TRPM3: variants seen among roughly 807,000 people sequenced by gnomAD.
TRPM3 encodes transient receptor potential cation channel subfamily M member 3.
TRPM3 carries 77 observed loss-of-function variants against 181.2 expected under a neutral mutation model. That is an observed-to-expected ratio of 0.42 (90% CI 0.35 to 0.51). The LOEUF (loss-of-function observed/expected upper bound fraction) is 0.51. TRPM3 is among the 20% of genes least tolerant of loss of function. The probability of loss-of-function intolerance (pLI) is 0.01; values close to 1 mark genes in which losing one functional copy is unlikely to be tolerated. For synonymous variants in TRPM3, 745 were observed against 796.4 expected (o/e 0.94, Z 1.09); for missense variants, 1,759 against 2,196.7 (o/e 0.80, Z 3.98).
At chr9:71,105,084 A>T (rs1403235421) in intron 1 of TRPM3, among the ~76,000 whole-genome samples, 1 of 152,238 alleles carries the variant, frequency 6.6e-6, no homozygotes, top group Non-Finnish European at 1.5e-5. Context: ...ATGTCTACTA[A>T]CAGGAAAAAA....
chr9:71,383,434 C>T (rs748831023), intron 1 of TRPM3, among the ~76,000 whole-genome samples: 1 of 152,110 alleles, frequency 6.6e-6, no homozygotes, highest in East Asian at 1.9e-4. Flanking sequence ...TAGGAGATAA[C>T]AGTAGGAGAC....
intron 1 of TRPM3, among the ~76,000 whole-genome samples, chr9:71,215,610 C>T (rs1290406845): frequency 1.3e-5 from 2 of 152,152 alleles, no homozygotes; most frequent in Non-Finnish European, 2.9e-5. Context: ...AATGAACACA[C>T]TAAATTTTTT....
chr9:70,969,275 G>C (rs1002329771), intron 1 of TRPM3, among the ~76,000 whole-genome samples: 1 of 151,940 alleles, frequency 6.6e-6, no homozygotes, highest in Non-Finnish European at 1.5e-5. Flanking sequence ...GGCCTCTCAG[G>C]GGGTGGGGGG....
At chr9:70,658,497 A>T (rs74667707) in intron 9 of TRPM3, among the ~76,000 whole-genome samples, 1 of 152,118 alleles carries the variant, frequency 6.6e-6, no homozygotes, top group Non-Finnish European at 1.5e-5. Context: ...GATTGTATAA[A>T]TATGTTATTG....
At chr9:70,975,298 T>C (rs887422654) in intron 1 of TRPM3, among the ~76,000 whole-genome samples, 4 of 152,182 alleles carry the variant, frequency 2.6e-5, no homozygotes, top group African/African-American at 4.8e-5. Context: ...AAAAGGCTAA[T>C]ATAGGATTCT....
intron 1 of TRPM3, among the ~76,000 whole-genome samples, chr9:71,274,311 T>C (rs1447655393): frequency 6.6e-6 from 1 of 152,250 alleles, no homozygotes; most frequent in East Asian, 1.9e-4. Flanking sequence ...TTTTTGTTTG[T>C]CATGGAACTT....
chr9:71,199,659 G>A (rs538983243), intron 1 of TRPM3, among the ~76,000 whole-genome samples: 120 of 152,166 alleles, frequency 7.9e-4, no homozygotes, highest in African/African-American at 2.2e-3. Flanking sequence ...GTTTATTTGC[G>A]TAGAGGTGTT....
At chr9:71,035,410 A>G (rs2058061242) in intron 1 of TRPM3, among the ~76,000 whole-genome samples, 1 of 152,234 alleles carries the variant, frequency 6.6e-6, no homozygotes, top group Admixed American at 6.5e-5. Flanking sequence ...TATATTGTAT[A>G]AAAACACAAT....
chr9:71,369,378 A>T (rs185291531), intron 1 of TRPM3, among the ~76,000 whole-genome samples: 2 of 152,332 alleles, frequency 1.3e-5, no homozygotes, highest in East Asian at 3.9e-4. Flanking sequence ...GAAAATATAA[A>T]TAAAACGAAC....
intron 6 of TRPM3, among the ~76,000 whole-genome samples, chr9:70,809,688 G>A (rs1255395997): frequency 6.6e-6 from 1 of 152,174 alleles, no homozygotes; most frequent in African/African-American, 2.4e-5. Flanking sequence ...CATTTCTGAG[G>A]ATATAGTAAC....
At chr9:71,220,999 G>A (rs1029521738) in intron 1 of TRPM3, among the ~76,000 whole-genome samples, 5 of 152,088 alleles carry the variant, frequency 3.3e-5, no homozygotes, top group East Asian at 1.9e-4. Context: ...AATGTGAGAC[G>A]GGCCAATCAA....
At chr9:71,070,800 C>T (rs966027649) in intron 1 of TRPM3, among the ~76,000 whole-genome samples, 1 of 152,128 alleles carries the variant, frequency 6.6e-6, no homozygotes, top group Non-Finnish European at 1.5e-5. Context: ...TTTTTCTCAT[C>T]GTATCTGCAG....
Position 70,552,912 on chromosome 9 carries a change from A to G in TRPM3, c.3506T>C (p.Ile1169Thr), listed in dbSNP as rs2046821883. Residue 1169 changes from isoleucine to threonine, a missense_variant, in exon 24 of 26, where the codon ATA becomes ACA. Ile to Thr is a moderately conservative substitution (Grantham distance 89). Around this residue, in one of 8 missense-constraint regions of TRPM3, gnomAD observed 96 missense variants for 129.6 expected, o/e 0.74. Transcript: ENST00000677713. ...PLIIFSHMTM[I>T]FQHLCCRWRK... ...CCATCGGCAGCACAGGTGCTGGAATATCATGGTCATGTGGCTGAAGATGAT... is the reference window on the plus strand; with the variant it reads ...CCATCGGCAGCACAGGTGCTGGAATGTCATGGTCATGTGGCTGAAGATGAT... 1 of 1,614,088 alleles carries G rather than the reference A, an allele frequency of 6.2e-7. No individual in the cohort carries two copies. Among genetic ancestry groups the G allele is most frequent in the Non-Finnish European group, 8.5e-7 (1 of 1,180,046 alleles).
intron 22 of TRPM3, among the ~76,000 whole-genome samples, chr9:70,587,361 G>C (rs2057319760): frequency 6.6e-6 from 1 of 152,098 alleles, no homozygotes; most frequent in Non-Finnish European, 1.5e-5. Flanking sequence ...GTACAGCCTG[G>C]GGAATCTGAA....
intron 1 of TRPM3, among the ~76,000 whole-genome samples, chr9:70,938,955 C>A (rs1157504209): frequency 3.4e-5 from 5 of 146,942 alleles, no homozygotes; most frequent in African/African-American, 1.3e-4. Context: ...GAGACTCCGT[C>A]TCAAAAAAAA....
intron 1 of TRPM3, among the ~76,000 whole-genome samples, chr9:71,256,430 C>T (rs1294996551): frequency 2.0e-5 from 3 of 151,924 alleles, no homozygotes; most frequent in Non-Finnish European, 4.4e-5. Context: ...ATAAAGGATC[C>T]CCCAGACTGG....
At chr9:71,191,804 A>AAAACC (rs10676674) in intron 1 of TRPM3, among the ~76,000 whole-genome samples, 59,636 of 149,034 alleles carry the variant, frequency 0.4, 12,164 homozygotes, top group East Asian at 0.51. Context: ...AAAAAAAAAA[A>AAAACC]ATCACATCGT....
chr9:71,008,529 TG>T (rs1209160488), intron 1 of TRPM3, among the ~76,000 whole-genome samples: 2 of 152,038 alleles, frequency 1.3e-5, no homozygotes, highest in Admixed American at 6.6e-5. Context: ...ACTAGCAAAC[TG>T]AATTCAACAA....
chr9:71,227,497 C>A (rs1359213126), intron 1 of TRPM3, among the ~76,000 whole-genome samples: 1 of 151,562 alleles, frequency 6.6e-6, no homozygotes, highest in Non-Finnish European at 1.5e-5. Context: ...AACATAAGGG[C>A]CGAAATAAAT....
Sources: allele counts gnomAD v4.1 joint callset (sites outside exome capture counted in the v4.1 genomes callset), GRCh38; gene constraint gnomAD v4.1.1; regional missense constraint gnomAD v4.1.1; transcripts MANE v1.5; gene names NCBI Gene and HGNC (gene_info 2026-07-23, HGNC 2026-07-21).